The following KIF6 variants were observed in gnomAD, a reference collection of about 807,000 sequenced individuals.
The protein encoded by KIF6 is kinesin family member 6.
Under a neutral mutation model 112.7 loss-of-function variants are expected in KIF6, and 106 were observed. That is an observed-to-expected ratio of 0.94 (90% CI 0.80 to 1.11). KIF6 has a LOEUF of 1.11. Among genes scored for constraint, KIF6 ranks in the 50% least tolerant of loss-of-function variants. The probability of loss-of-function intolerance (pLI) is 0.00; values close to 1 mark genes in which losing one functional copy is unlikely to be tolerated. For missense variants in KIF6, 929 were observed against 964.0 expected (o/e 0.96, Z 0.48); for synonymous variants, 339 against 339.9 (o/e 1.00, Z 0.03).
intron 3 of KIF6, among the ~76,000 whole-genome samples, chr6:39,682,771 G>A (rs1393086424): frequency 1.3e-5 from 2 of 152,046 alleles, no homozygotes; most frequent in African/African-American, 4.8e-5. Context: ...GTAGAGATGG[G>A]GTTTCACCAT....
At chr6:39,574,163 T>C (rs1780798452) in intron 10 of KIF6, among the ~76,000 whole-genome samples, 1 of 152,240 alleles carries the variant, frequency 6.6e-6, no homozygotes, top group African/African-American at 2.4e-5. Context: ...TAATTGTTAT[T>C]TGACTGCTAT....
At chr6:39,646,377 T>A (rs566803910) in intron 3 of KIF6, among the ~76,000 whole-genome samples, 19 of 151,640 alleles carry the variant, frequency 1.3e-4, no homozygotes, top group Non-Finnish European at 2.2e-4. Context: ...TCAGCAGAGG[T>A]CTTCTAACTA....
chr6:39,712,571 A>G (rs897467424), intron 3 of KIF6, among the ~76,000 whole-genome samples: 5 of 152,160 alleles, frequency 3.3e-5, no homozygotes, highest in African/African-American at 7.2e-5. Context: ...ATTAAACTAT[A>G]TAATATGTCA....
At chr6:39,522,989 C>T (rs1777481450) in intron 13 of KIF6, among the ~76,000 whole-genome samples, 1 of 152,190 alleles carries the variant, frequency 6.6e-6, no homozygotes. Context: ...CTAATTAAGC[C>T]TTTGCTTTGA....
chr6:39,582,690 C>G (rs540620921), intron 9 of KIF6, among the ~76,000 whole-genome samples: 1 of 152,254 alleles, frequency 6.6e-6, no homozygotes, highest in South Asian at 2.1e-4. Context: ...GCTGGGATTA[C>G]AGGCGTGAGC....
chr6:39,427,161 A>T (rs1581831329), intron 14 of KIF6, among the ~76,000 whole-genome samples: 1 of 151,686 alleles, frequency 6.6e-6, no homozygotes, highest in African/African-American at 2.4e-5. Context: ...CCCTAAGTCA[A>T]CCCCCTCCAG....
intron 6 of KIF6, among the ~76,000 whole-genome samples, chr6:39,605,228 A>T (rs1443093479): frequency 6.6e-6 from 1 of 152,140 alleles, no homozygotes; most frequent in Non-Finnish European, 1.5e-5. Flanking sequence ...AAAGAATTAT[A>T]AGCTAAATTT....
chr6:39,408,490 C>T (rs778630503), intron 15 of KIF6, among the ~76,000 whole-genome samples: 1 of 152,104 alleles, frequency 6.6e-6, no homozygotes, highest in Non-Finnish European at 1.5e-5. Context: ...ATAGTATTTA[C>T]ATAGTTTATT....
At chr6:39,713,033 A>T (rs1789647324) in intron 3 of KIF6, among the ~76,000 whole-genome samples, 1 of 152,208 alleles carries the variant, frequency 6.6e-6, no homozygotes, top group Admixed American at 6.5e-5. Flanking sequence ...GTGCAATTTT[A>T]AATAAGGTAC....
intron 5 of KIF6, 65 bp from the exon 6 acceptor site, chr6:39,613,383 T>C (rs528629622): frequency 1.5e-6 from 2 of 1,350,896 alleles, no homozygotes; most frequent in South Asian, 1.6e-5. Context: ...AAGTCTTCCC[T>C]ACAGGCTTTT....
chr6:39,655,699 A>AC (rs1286722671), intron 3 of KIF6, among the ~76,000 whole-genome samples: 1 of 152,178 alleles, frequency 6.6e-6, no homozygotes, highest in Non-Finnish European at 1.5e-5. Flanking sequence ...TTTAAATGCC[A>AC]CTTATATCAT....
chr6:39,539,096 T>A (rs542276904), intron 13 of KIF6, among the ~76,000 whole-genome samples: 1 of 145,304 alleles, frequency 6.9e-6, no homozygotes, highest in Non-Finnish European at 1.5e-5. Context: ...AGGGATAGCA[T>A]TGGGAGATAT....
At chr6:39,693,048 T>A (rs1339505483) in intron 3 of KIF6, among the ~76,000 whole-genome samples, 1 of 152,170 alleles carries the variant, frequency 6.6e-6, no homozygotes, top group African/African-American at 2.4e-5. Flanking sequence ...TCAGTAGTGG[T>A]CACACATGGA....
At chr6:39,640,711 G>A (rs1308707355) in intron 3 of KIF6, among the ~76,000 whole-genome samples, 4 of 152,062 alleles carry the variant, frequency 2.6e-5, no homozygotes, top group Non-Finnish European at 5.9e-5. Context: ...TGTGTGTTGA[G>A]TGATCTGTCA....
At chr6:39,418,906 C>T (rs1441956339) in intron 15 of KIF6, among the ~76,000 whole-genome samples, 3 of 152,092 alleles carry the variant, frequency 2.0e-5, no homozygotes, top group African/African-American at 7.2e-5. Flanking sequence ...TAAGAGAGAC[C>T]CAGCGGGCCA....
At chr6:39,347,181 G>T (rs1388884861) in intron 19 of KIF6, among the ~76,000 whole-genome samples, 3 of 152,208 alleles carry the variant, frequency 2.0e-5, no homozygotes, top group African/African-American at 7.2e-5. Context: ...TATCCAGCTG[G>T]TAAGTGGCAG....
rs777625609 is a variant in KIF6, at chr6:39,677,241, AAG to A, written c.251+37449_251+37450del. Among the ~76,000 whole-genome samples the A allele has an allele frequency of 5.3e-5, 8 of 152,234 alleles. No individual in the cohort carries two copies. In the East Asian group the frequency reaches 9.7e-4, roughly 18 times the overall value. The stretch of plus-strand genomic sequence containing the variant: ...TAAAATCAGTCATTACATAGGATAA[AAG>A]AGAGGATTTTCAGGAAGGTGAAACA... On this transcript the variant is annotated intron_variant, in intron 3 of 22. Transcript: ENST00000287152.
intron 14 of KIF6, among the ~76,000 whole-genome samples, chr6:39,421,492 G>A (rs1770357363): frequency 1.3e-5 from 2 of 152,356 alleles, no homozygotes; most frequent in South Asian, 4.1e-4. Context: ...GACTGGGATT[G>A]TGTTGGAGGA....
chr6:39,571,652 A>G lies in KIF6; in HGVS notation c.1181+6404T>C, dbSNP rs531619925. On this transcript the variant is annotated intron_variant, in intron 10 of 22. Coordinates refer to ENST00000287152, the MANE Select transcript of KIF6 (RefSeq NM_145027.6). ...ATGAATTTAATACTCTCAGACCACA[A>G]TTCATTTCCTAGATACCATTAAGGA... 3.8e-4 allele frequency among the ~76,000 whole-genome samples: 58 copies of G among 152,294 alleles called. 1 individual carries two copies. The South Asian group carries it at 0.01, about 27-fold the overall frequency.
Sources: allele counts gnomAD v4.1 joint callset (sites outside exome capture counted in the v4.1 genomes callset), GRCh38; gene constraint gnomAD v4.1.1; transcripts MANE v1.5; gene names NCBI Gene and HGNC (gene_info 2026-07-23, HGNC 2026-07-21).